FBN2: variants seen among roughly 807,000 people sequenced by gnomAD.
The protein encoded by FBN2 is fibrillin-2.
In FBN2, 105 loss-of-function variants were observed where a neutral mutation model predicts 355.6. That is an observed-to-expected ratio of 0.30 (90% CI 0.25 to 0.35). The LOEUF (loss-of-function observed/expected upper bound fraction) is 0.35, where lower values mean the gene tolerates loss of function less well. Ranked by LOEUF, FBN2 falls within the 10% of genes least tolerant of loss-of-function variation. The pLI, the probability that FBN2 is intolerant of heterozygous loss-of-function variation, is 1.00. For missense variants in FBN2, 3,280 were observed against 3,758.7 expected, an observed-to-expected ratio of 0.87 and a Z score of 3.33; for synonymous variants, 1,350 against 1,301.2, an observed-to-expected ratio of 1.04 and a Z score of -0.81.
At chr5:128,438,349 T>C (rs1342688148) in intron 7 of FBN2, among the ~76,000 whole-genome samples, 2 of 152,228 alleles carry the variant, frequency 1.3e-5, no homozygotes, top group African/African-American at 2.4e-5. Flanking sequence ...ATCAGCTTCA[T>C]TGTAATAACC....
chr5:128,294,516 T>G (rs1365820544), intron 48 of FBN2, among the ~76,000 whole-genome samples: 4 of 151,664 alleles, frequency 2.6e-5, no homozygotes, highest in Admixed American at 6.6e-5. Context: ...CCTGACTTTT[T>G]AATGATTGCC....
intron 5 of FBN2, among the ~76,000 whole-genome samples, chr5:128,468,396 C>T (rs1387939798): frequency 2.6e-5 from 4 of 152,172 alleles, no homozygotes; most frequent in Admixed American, 6.5e-5. Context: ...TGAACATCTG[C>T]ATGAAAGTCT....
chr5:128,432,875 A>T (rs756445501), intron 7 of FBN2, among the ~76,000 whole-genome samples: 2 of 152,106 alleles, frequency 1.3e-5, no homozygotes, highest in Non-Finnish European at 2.9e-5. Context: ...CCGAGACCTC[A>T]GGAAACTTAC....
intron 64 of FBN2, among the ~76,000 whole-genome samples, chr5:128,261,397 A>G (rs1410799353): frequency 6.6e-6 from 1 of 152,236 alleles, no homozygotes; most frequent in African/African-American, 2.4e-5. Context: ...TACATTTATA[A>G]AACAGAACTG....
chr5:128,450,717 T>A (rs1340205630), intron 6 of FBN2, among the ~76,000 whole-genome samples: 1 of 151,946 alleles, frequency 6.6e-6, no homozygotes, highest in Non-Finnish European at 1.5e-5. Context: ...AGATAATCAA[T>A]TACTATAAAA....
At chr5:128,494,877 A>G (rs1037762122) in intron 5 of FBN2, among the ~76,000 whole-genome samples, 4 of 152,230 alleles carry the variant, frequency 2.6e-5, no homozygotes, top group Admixed American at 1.3e-4. Context: ...TTCAACAAAA[A>G]AACTATGATA....
At chr5:128,399,513 C>A (rs956687594) in intron 8 of FBN2, among the ~76,000 whole-genome samples, 31 of 152,142 alleles carry the variant, frequency 2.0e-4, no homozygotes, top group African/African-American at 7.5e-4. Flanking sequence ...GAAAGAGGCA[C>A]TTCAGGCAAA....
rs755760127 is a variant in FBN2, at chr5:128,464,789, C to A, written c.761G>T (p.Cys254Phe). ...GRAWGHPCEM[C>F]PAQPQPCRRG... ...TCGGCAGGGCTGAGGCTGGGCTGGA[C>A]ACATCTCACAGGGATGGCCCCACGC... The change falls in exon 6 of 65, where the codon TGT (cysteine) becomes TTT (phenylalanine). Residue 254 changes from cysteine to phenylalanine, a missense_variant. Coordinates refer to ENST00000262464, the MANE Select transcript of FBN2 (RefSeq NM_001999.4). The A allele has an allele frequency of 2.5e-6, 4 of 1,614,186 alleles. No homozygotes were observed. The highest frequency in any genetic ancestry group is 3.4e-6 in the Non-Finnish European group (4 of 1,180,040).
In FBN2 at chr5:128,464,760, C is replaced by A. The variant is rs1754661203; in HGVS notation, c.790G>T (p.Gly264Cys). 6.2e-7 allele frequency: 1 copy of A among 1,613,868 alleles called. No homozygotes were observed. The highest frequency in any genetic ancestry group is 8.5e-7 in the Non-Finnish European group (1 of 1,180,010). The change falls in exon 6 of 65, where the codon GGT (glycine) becomes TGT (cysteine). Residue 264 changes from glycine (G) to cysteine (C), a missense_variant. Physicochemically the swap from Gly to Cys is radical, Grantham distance 159. Around this residue, in one of 6 missense-constraint regions of FBN2, gnomAD observed 343 missense variants for 331.0 expected, o/e 1.04. Coordinates refer to ENST00000262464, the MANE Select transcript of FBN2 (RefSeq NM_001999.4). ...CCAGTGCGGATGTTGGGGATGAAAC[C>A]CCGTCGGCAGGGCTGAGGCTGGGCT... ...CPAQPQPCRR[G>C]FIPNIRTGAC...
At chr5:128,300,785 C>T (rs202129134) in intron 48 of FBN2, 32 bp downstream of exon 48, 23 of 1,611,164 alleles carry the variant, frequency 1.4e-5, no homozygotes, top group Non-Finnish European at 1.9e-5. Context: ...TACTGAACTA[C>T]TAGTGGGCCT....
rs771043310 is a variant in FBN2 at position 128,277,911 on chromosome 5, G to A, written c.7440C>T (p.Tyr2480=). The change falls in exon 58 of 65, where the codon TAC becomes TAT. Residue 2480 remains tyrosine (Y), a synonymous_variant. Coordinates refer to ENST00000262464, the MANE Select transcript of FBN2 (RefSeq NM_001999.4). ...GSFRCFCKVG[Y]TTDISGTSCI... ...AAGAGGTTCCACTGATGTCTGTGGT[G>A]TAGCCAACCTTGCAGAAGCATCGGA... 2 of 1,614,016 alleles carry A rather than the reference G, an allele frequency of 1.2e-6. No individual in the cohort carries two copies. Among genetic ancestry groups the A allele is most frequent in the Admixed American group, 1.7e-5 (1 of 60,002 alleles).
At chr5:128,434,394 G>GTATGTATATATA (rs1753715365) in intron 7 of FBN2, among the ~76,000 whole-genome samples, 1 of 91,678 alleles carries the variant, frequency 1.1e-5, no homozygotes, top group African/African-American at 6.0e-5. Flanking sequence ...AATAAAGTGT[G>GTATGTATATATA]TATATATATA....
rs369435643 is a variant in FBN2, at chr5:128,393,024, CAT to C, written c.1465+109_1465+110del. 1.3e-3 allele frequency: 1,174 copies of C among 870,076 alleles called. 10 individuals are homozygous for C. Among genetic ancestry groups the C allele is most frequent in the East Asian group, 4.6e-3 (184 of 40,310 alleles). 53.9% of individuals were successfully genotyped at this position (870,076 alleles called of 1,614,324 possible). ...TCTCGCACCCACAAACACACACACACATGTGCAAGTGTGTTCATACAACCCTT... is the reference window on the plus strand; with the variant it reads ...TCTCGCACCCACAAACACACACACACGTGCAAGTGTGTTCATACAACCCTT... On this transcript the variant is annotated intron_variant, in intron 10 of 64. Transcript: ENST00000262464.
At chr5:128,297,974 C>A (rs1310718415) in intron 48 of FBN2, among the ~76,000 whole-genome samples, 2 of 151,172 alleles carry the variant, frequency 1.3e-5, no homozygotes, top group East Asian at 3.9e-4. Context: ...GCGGCTGGTA[C>A]CGGTTGTTCC....
At chr5:128,378,006 C>T (rs1581251209) in intron 12 of FBN2, 129 bp from the exon 13 acceptor site, 2 of 649,780 alleles carry the variant, frequency 3.1e-6, no homozygotes, top group East Asian at 3.4e-5. Context: ...TGTCTCTCAG[C>T]AGTTTTTTTT....
At chr5:128,370,168 C>T (rs1185878662) in intron 15 of FBN2, among the ~76,000 whole-genome samples, 1 of 152,090 alleles carries the variant, frequency 6.6e-6, no homozygotes, top group Non-Finnish European at 1.5e-5. Flanking sequence ...ACTCTTAATT[C>T]TCATAAAATA....
At chr5:128,438,774 A>T (rs1753842495) in intron 7 of FBN2, among the ~76,000 whole-genome samples, 1 of 152,108 alleles carries the variant, frequency 6.6e-6, no homozygotes, top group South Asian at 2.1e-4. Context: ...TCCCACCCCC[A>T]ACCTTACTCT....
chr5:128,406,754 ATTGT>A (rs1752937636), intron 8 of FBN2, among the ~76,000 whole-genome samples: 1 of 152,140 alleles, frequency 6.6e-6, no homozygotes, highest in Admixed American at 6.6e-5. Flanking sequence ...AAATTTATGA[ATTGT>A]TTATTTCTGG....
chr5:128,392,138 T>C lies in FBN2; in HGVS notation c.1483A>G (p.Ile495Val). Residue 495 changes from isoleucine (I) to valine (V), a missense_variant, in exon 11 of 65, where the codon ATA (isoleucine) becomes GTA (valine). Physicochemically the swap from Ile to Val is conservative, Grantham distance 29 (BLOSUM62 3). Transcript: ENST00000262464. ...ITGLTILNQT[I>V]DICKHHANLC... is the part of the protein sequence containing the mutation. Reference sequence around the variant, plus strand: ...TTAGCATGATGCTTACAGATATCTATTGTCTGGTTCAGAATTGCTACGGAA... The same window carrying C: ...TTAGCATGATGCTTACAGATATCTACTGTCTGGTTCAGAATTGCTACGGAA... The C allele has an allele frequency of 2.5e-6, 4 of 1,613,486 alleles. No homozygotes were observed. The highest frequency in any genetic ancestry group is 1.7e-6 in the Non-Finnish European group (2 of 1,179,514).
Sources: gnomAD v4.1 joint callset for allele counts (sites outside exome capture counted in the v4.1 genomes callset) on GRCh38, gnomAD v4.1.1 for gene constraint, gnomAD v4.1.1 regional missense constraint, MANE v1.5 for transcripts, NCBI Gene and HGNC (gene_info 2026-07-23, HGNC 2026-07-21) for gene names.